Variants in SPAG16 observed in about 807,000 individuals in gnomAD.
SPAG16 encodes the protein sperm associated antigen 16.
SPAG16 carries 86 observed loss-of-function variants against 80.4 expected under a neutral mutation model. The observed-to-expected ratio is 1.07, with a 90% CI of 0.90 to 1.28. The LOEUF is 1.28. Among genes scored for constraint, SPAG16 ranks in the 50% most tolerant of loss-of-function variants. SPAG16 has a pLI of 0.00. For missense variants in SPAG16, 870 were observed against 765.3 expected (o/e 1.14, Z -1.61); for synonymous variants, 294 against 265.9 (o/e 1.11, Z -1.03).
chr2:213,881,726 G>A (rs1261502225), intron 11 of SPAG16, among the ~76,000 whole-genome samples: 1 of 152,194 alleles, frequency 6.6e-6, no homozygotes, highest in Non-Finnish European at 1.5e-5. Context: ...CTGCCCCCAT[G>A]ATTCAATTAT....
chr2:214,182,709 T>C (rs2057345479), intron 15 of SPAG16, among the ~76,000 whole-genome samples: 1 of 151,950 alleles, frequency 6.6e-6, no homozygotes, highest in Admixed American at 6.6e-5. Flanking sequence ...CCAAAATAAT[T>C]GCTCCAGTAG....
chr2:213,643,083 C>A (rs944987081), intron 10 of SPAG16, among the ~76,000 whole-genome samples: 20 of 139,464 alleles, frequency 1.4e-4, no homozygotes, highest in Non-Finnish European at 6.2e-5. Flanking sequence ...ATATATATAT[C>A]CATTAGTTTT....
chr2:214,234,474 A>C (rs1234501054), intron 15 of SPAG16, among the ~76,000 whole-genome samples: 1 of 152,178 alleles, frequency 6.6e-6, no homozygotes, highest in Admixed American at 6.6e-5. Context: ...AATGTCTTCC[A>C]CAATTGTTGA....
intron 12 of SPAG16, among the ~76,000 whole-genome samples, chr2:214,001,069 G>A (rs1248904428): frequency 6.6e-6 from 1 of 152,176 alleles, no homozygotes; most frequent in African/African-American, 2.4e-5. Context: ...AAATTTGAAT[G>A]TATCATTGTG....
At chr2:213,285,927 G>A (rs972609735) in intron 1 of SPAG16, 2 of 1,288,252 alleles carry the variant, frequency 1.6e-6, no homozygotes, top group African/African-American at 1.5e-5. Flanking sequence ...TGGTAACCAG[G>A]CATCTTGTAA....
intron 13 of SPAG16, among the ~76,000 whole-genome samples, chr2:214,092,180 C>T (rs2125318800): frequency 6.6e-6 from 1 of 152,144 alleles, no homozygotes; most frequent in Middle Eastern, 3.4e-3. Flanking sequence ...ATAAATGGTG[C>T]TGCAAAAACA....
intron 10 of SPAG16, among the ~76,000 whole-genome samples, chr2:213,696,842 T>C (rs2065174521): frequency 6.6e-6 from 1 of 152,130 alleles, no homozygotes; most frequent in Admixed American, 6.6e-5. Flanking sequence ...ACAACTCTTC[T>C]TGTAAGTTTT....
chr2:214,154,797 G>A (rs6752872), intron 15 of SPAG16, among the ~76,000 whole-genome samples: 148,596 of 152,278 alleles, frequency 0.98, 72,590 homozygotes, highest in East Asian at 1. Flanking sequence ...ATAAAAATCT[G>A]TAGGGACTTC....
intron 15 of SPAG16, among the ~76,000 whole-genome samples, chr2:214,297,518 G>A (rs1694221345): frequency 6.6e-6 from 1 of 152,042 alleles, no homozygotes; most frequent in African/African-American, 2.4e-5. Context: ...TATGGGTCCA[G>A]TTTCATTCTT....
intron 11 of SPAG16, among the ~76,000 whole-genome samples, chr2:213,907,949 C>T (rs1335421212): frequency 1.3e-5 from 2 of 152,036 alleles, no homozygotes; most frequent in Non-Finnish European, 2.9e-5. Flanking sequence ...CATAGCACTG[C>T]AGAATGAATA....
chr2:214,118,031 G>A (rs545592251), intron 14 of SPAG16, among the ~76,000 whole-genome samples: 82 of 152,192 alleles, frequency 5.4e-4, no homozygotes, highest in Middle Eastern at 3.4e-3. Context: ...GAAATAACGC[G>A]CATCCAAATT....
chr2:214,035,119 A>T (rs2048621001), intron 13 of SPAG16, among the ~76,000 whole-genome samples: 1 of 151,820 alleles, frequency 6.6e-6, no homozygotes, highest in Non-Finnish European at 1.5e-5. Context: ...CAGAGAGGAG[A>T]CCGTGGGGTA....
At chr2:214,193,752 C>A (rs538119996) in intron 15 of SPAG16, among the ~76,000 whole-genome samples, 1 of 152,002 alleles carries the variant, frequency 6.6e-6, no homozygotes, top group Admixed American at 6.6e-5. Flanking sequence ...ATTTCATGAC[C>A]TCAGACACTT....
chr2:214,103,292 C>T (rs1304034842), intron 13 of SPAG16, among the ~76,000 whole-genome samples: 2 of 152,140 alleles, frequency 1.3e-5, no homozygotes, highest in Non-Finnish European at 2.9e-5. Flanking sequence ...AACCATCACC[C>T]AACATTTCAG....
intron 12 of SPAG16, among the ~76,000 whole-genome samples, chr2:213,974,657 C>T (rs2106390937): frequency 6.6e-6 from 1 of 152,070 alleles, no homozygotes; most frequent in Admixed American, 6.6e-5. Flanking sequence ...TTTATATATG[C>T]TTTCTATAAG....
At chr2:214,213,594 T>G (rs2058351522) in intron 15 of SPAG16, among the ~76,000 whole-genome samples, 1 of 152,206 alleles carries the variant, frequency 6.6e-6, no homozygotes, top group East Asian at 1.9e-4. Context: ...CATTGTGTGA[T>G]GTTTAGCAGC....
At chr2:213,428,251 T>G (rs1283359095) in intron 9 of SPAG16, among the ~76,000 whole-genome samples, 5 of 152,130 alleles carry the variant, frequency 3.3e-5, no homozygotes, top group African/African-American at 1.2e-4. Flanking sequence ...GGAGAAAAAG[T>G]ACTCCTCTGC....
intron 14 of SPAG16, among the ~76,000 whole-genome samples, chr2:214,138,683 G>T (rs889585568): frequency 2.0e-5 from 3 of 152,052 alleles, no homozygotes; most frequent in African/African-American, 7.2e-5. Context: ...TTTCTTTATT[G>T]TACTAGACCT....
chr2:214,196,621 G>C (rs989358861), intron 15 of SPAG16, among the ~76,000 whole-genome samples: 15 of 151,958 alleles, frequency 9.9e-5, no homozygotes, highest in African/African-American at 3.6e-4. Context: ...AAAATAATTG[G>C]AAAAGAAAGA....
Sources: gnomAD v4.1 joint callset for allele counts (sites outside exome capture counted in the v4.1 genomes callset) on GRCh38, gnomAD v4.1.1 for gene constraint, MANE v1.5 for transcripts, NCBI Gene and HGNC (gene_info 2026-07-23, HGNC 2026-07-21) for gene names.